Variants in ARAP1 observed in about 807,000 individuals in gnomAD.
The protein encoded by ARAP1 is arf-GAP with Rho-GAP domain, ANK repeat and PH domain-containing protein 1.
A neutral mutation model predicts 172.2 loss-of-function variants in ARAP1; 76 were observed. That is an observed-to-expected ratio of 0.44 (90% confidence interval 0.37 to 0.53). The LOEUF is 0.53. Among genes scored for constraint, ARAP1 ranks in the 20% least tolerant of loss-of-function variants. The pLI, the probability that ARAP1 is intolerant of heterozygous loss-of-function variation, is 0.00. For synonymous variants in ARAP1, 804 were observed against 803.3 expected (o/e 1.00, Z -0.01); for missense variants, 1,686 against 1,977.5 (o/e 0.85, Z 2.80).
At position 72,695,174 on chromosome 11, in the gene ARAP1, G is replaced by A. The variant is rs1009405222; in HGVS notation, c.3577-77C>T. 4 of 1,491,780 alleles carry A rather than the reference G, an allele frequency of 2.7e-6. No homozygotes were observed. The East Asian group carries it at 6.8e-5, about 25-fold the overall frequency. The allele number at this position is 1,491,780 out of a possible 1,614,324, so 92.4% of individuals were successfully genotyped here. A position where few individuals can be genotyped will look rare whatever the true frequency, so the allele number is the denominator to read the frequency against. ...CCACAACCTTGCTATGTGACTCAGA[G>A]CCTGAGCCCATCCTTCTCAGGCCCT... On this transcript the variant is annotated intron_variant, in intron 26 of 34. Transcript: ENST00000393609. This position sits in a 1 kb window ranked among gnomAD's most constrained non-coding sequence, Gnocchi z 4.4.
chr11:72,718,751 T>A (rs933900247), intron 3 of ARAP1, among the ~76,000 whole-genome samples: 10 of 152,010 alleles, frequency 6.6e-5, no homozygotes, highest in African/African-American at 1.9e-4. Flanking sequence ...AGAAAATACA[T>A]GCAGCAGACC....
chr11:72,713,124 T>C, intron 5 of ARAP1, 52 bp downstream of exon 5: 1 of 1,584,296 alleles, frequency 6.3e-7, no homozygotes, highest in Non-Finnish European at 8.7e-7. Context: ...GACAGGCAGC[T>C]GGGCACCCCC....
chr11:72,721,223 C>T (rs1296776025), intron 3 of ARAP1, among the ~76,000 whole-genome samples: 1 of 152,184 alleles, frequency 6.6e-6, no homozygotes, highest in Non-Finnish European at 1.5e-5. Flanking sequence ...AAGCCAAGCA[C>T]AGGATTGTTG....
chr11:72,693,952 C>G lies in ARAP1; in HGVS notation c.3695-147G>C. Reference sequence around the variant, plus strand: ...ACACAAAACACCACCATCATGACCACCCTTCCCATGACCAAGCTTCAGGCT... The same window carrying G: ...ACACAAAACACCACCATCATGACCAGCCTTCCCATGACCAAGCTTCAGGCT... On this transcript the variant is annotated intron_variant, in intron 27 of 34. Transcript: ENST00000393609. This position sits in a 1 kb window ranked among gnomAD's most constrained non-coding sequence, Gnocchi z 4.6. The G allele has an allele frequency of 1.6e-6, 1 of 641,654 alleles. No homozygotes were observed. The highest frequency in any genetic ancestry group is 2.7e-6 in the Non-Finnish European group (1 of 377,294). The allele number at this position is 641,654 out of a possible 1,614,324, so 39.7% of individuals were successfully genotyped here. A position where few individuals can be genotyped will look rare whatever the true frequency, so the allele number is the denominator to read the frequency against.
chr11:72,686,181 A>T lies in ARAP1; in HGVS notation c.4196T>A (p.Leu1399Gln), dbSNP rs1855675864. 6 of 1,612,268 alleles carry T rather than the reference A, an allele frequency of 3.7e-6. No individual in the cohort carries two copies. The highest frequency in any genetic ancestry group is 5.1e-6 in the Non-Finnish European group (6 of 1,178,858). The change falls in exon 34 of 35, where the codon CTG becomes CAG. Residue 1399 changes from leucine (L) to glutamine (Q), a missense_variant. By Grantham distance (113) the Leu-to-Gln change is moderately radical (BLOSUM62 -2). This residue lies in a region of ARAP1 where 379 missense variants were observed against 500.1 expected (regional missense o/e 0.76). Transcript: ENST00000393609. ...GCGTGAGGGCTCTGAGGGCCACACC[A>T]GGCCGTCATGCTGGGGAGCAGAGAG... is the stretch of plus-strand genomic sequence containing the variant. ...ATFLFVQHDG[L>Q]VWPSEPSRVS...
In ARAP1 at chr11:72,701,700, A is replaced by G. The variant is rs768837895; in HGVS notation, c.2251T>C (p.Tyr751His). 4 of 1,613,824 alleles carry G rather than the reference A, an allele frequency of 2.5e-6. No individual in the cohort carries two copies. In the East Asian group the frequency reaches 6.7e-5, roughly 27 times the overall value. Residue 751 changes from tyrosine (Y) to histidine (H), a missense_variant, in exon 16 of 35, where the codon TAC becomes CAC. By Grantham distance (83) the Tyr-to-His change is moderately conservative. Transcript: ENST00000393609. ...AGCTTGCCGGCAGAGGCAGTCTTGT[A>G]GAGGAAGCCACTGTGGCTCACGGTC... is the stretch of plus-strand genomic sequence containing the variant. ...LPTVSHSGFL[Y>H]KTASAGKLLQ...
At chr11:72,724,150 CACAG>C (rs1223728015) in intron 3 of ARAP1, among the ~76,000 whole-genome samples, 2 of 152,140 alleles carry the variant, frequency 1.3e-5, no homozygotes, top group African/African-American at 4.8e-5. Flanking sequence ...TGTGTAAATG[CACAG>C]ACATTCTACT....
rs2135500996 is a variant in ARAP1, at chr11:72,695,097, C to T, written c.3577G>A (p.Val1193Ile). 6.2e-7 allele frequency: 1 copy of T among 1,613,762 alleles called. No homozygotes were observed. The highest frequency in any genetic ancestry group is 8.5e-7 in the Non-Finnish European group (1 of 1,179,876). ...KKAETEQHIK[V>I]PASMTAEELT... ...TCCTCAGCAGTCATGGATGCTGGGA[C>T]CTGCAAGGACCAAGGAGGAGATTAG... Residue 1193 changes from valine to isoleucine, a missense_variant and splice_region_variant, in exon 27 of 35, where the codon GTC (valine) becomes ATC (isoleucine). Around this residue, in one of 5 missense-constraint regions of ARAP1, gnomAD observed 379 missense variants for 500.1 expected, o/e 0.76. Transcript: ENST00000393609. This position sits in a 1 kb window ranked among gnomAD's most constrained non-coding sequence, Gnocchi z 4.4.
At position 72,702,882 on chromosome 11, in the gene ARAP1, C is replaced by T. The variant is rs1300738703; in HGVS notation, c.2167+23G>A. The T allele has an allele frequency of 1.4e-5, 21 of 1,550,672 alleles. No homozygotes were observed. In the Admixed American group the frequency reaches 4.1e-4, roughly 30 times the overall value. ...ACCAGGCACTGCACAGCCTGGTGGA[C>T]CCCCACCCTCTGCCACGCTCACCTG... On this transcript the variant is annotated intron_variant, in intron 15 of 34. Coordinates refer to ENST00000393609, the MANE Select transcript of ARAP1 (RefSeq NM_001040118.3).
intron 3 of ARAP1, chr11:72,722,052 CA>C (rs1286809274): frequency 2.4e-5 from 24 of 985,482 alleles, no homozygotes; most frequent in Non-Finnish European, 2.9e-5. Context: ...TATGGCTTTG[CA>C]CCTGTGATTT....
Position 72,726,969 on chromosome 11 carries a change from G to A in ARAP1, c.160C>T (p.Pro54Ser), listed in dbSNP as rs1041006646. The stretch of plus-strand genomic sequence containing the variant: ...GCCAGGATGCGGCGGCGGTGACCAG[G>A]GAGTAGCATGCCCATGTCCATCAGG... Reference protein sequence around the residue: ...TRLMDMGMLLPGHRRRILAGL... With the variant: ...TRLMDMGMLLSGHRRRILAGL... The change falls in exon 3 of 35, where the codon CCT (proline) becomes TCT (serine). Residue 54 changes from proline to serine, a missense_variant. By Grantham distance (74) the Pro-to-Ser change is moderately conservative (BLOSUM62 -1). This residue lies in a region of ARAP1 where 190 missense variants were observed against 228.6 expected (regional missense o/e 0.83). Coordinates refer to ENST00000393609, the MANE Select transcript of ARAP1 (RefSeq NM_001040118.3). This position sits in a 1 kb window ranked among gnomAD's most constrained non-coding sequence, Gnocchi z 6.5. The A allele has an allele frequency of 6.2e-7, 1 of 1,602,736 alleles. No homozygotes were observed. The highest frequency in any genetic ancestry group is 8.5e-7 in the Non-Finnish European group (1 of 1,175,206).
chr11:72,687,154 A>G, intron 33 of ARAP1: 1 of 491,018 alleles, frequency 2.0e-6, no homozygotes, highest in South Asian at 2.1e-5. Flanking sequence ...CACTGATCAC[A>G]CTGGGCTATA....
chr11:72,703,169 G>C, intron 14 of ARAP1, 90 bp from the exon 15 acceptor site: 2 of 1,314,582 alleles, frequency 1.5e-6, no homozygotes, highest in Non-Finnish European at 2.0e-6. Context: ...AGAAAAGGAA[G>C]GAGTCACCCA....
chr11:72,697,933 T>A lies in ARAP1; in HGVS notation c.2715A>T (p.Gln905His). 1.2e-6 allele frequency: 2 copies of A among 1,606,674 alleles called. No individual in the cohort carries two copies. Among genetic ancestry groups the A allele is most frequent in the Non-Finnish European group, 1.7e-6 (2 of 1,176,148 alleles). ...FPEGPCEEPL[Q>H]LRKLQELSIQ... ...CACAAAGCTCCTGCAGTTTCCGTAGTTGCAGCGGCTCTTCGCAGGGCCCCT... is the reference window on the plus strand; with the variant it reads ...CACAAAGCTCCTGCAGTTTCCGTAGATGCAGCGGCTCTTCGCAGGGCCCCT... Residue 905 changes from glutamine to histidine, a missense_variant, in exon 19 of 35, where the codon CAA becomes CAT. Around this residue, in one of 5 missense-constraint regions of ARAP1, gnomAD observed 274 missense variants for 262.7 expected, o/e 1.04. Transcript: ENST00000393609.
chr11:72,703,843 C>G (rs1856627817), intron 14 of ARAP1: 4 of 384,004 alleles, frequency 1.0e-5, no homozygotes, highest in Non-Finnish European at 1.9e-5. Flanking sequence ...GCATCCCCAT[C>G]AAGTTCACTC....
chr11:72,707,514 G>A (rs1856823900), intron 11 of ARAP1, 140 bp from the exon 12 acceptor site: 8 of 737,474 alleles, frequency 1.1e-5, no homozygotes, highest in Admixed American at 2.8e-5. Flanking sequence ...CTCTGGTAGG[G>A]AAGGTAGGTG....
rs537172988 is a variant in ARAP1 at position 72,707,160 on chromosome 11, C to A, written c.1723+15G>T. ...GCCATGCCTCTGCCTGGTGCCCCGA[C>A]CCCCATGCACACACCTGCACAGCGC... On this transcript the variant is annotated intron_variant, in intron 12 of 34. Coordinates refer to ENST00000393609, the MANE Select transcript of ARAP1 (RefSeq NM_001040118.3). 6.5e-7 allele frequency: 1 copy of A among 1,548,318 alleles called. No homozygotes were observed. Among genetic ancestry groups the A allele is most frequent in the East Asian group, 2.4e-5 (1 of 41,706 alleles).
chr11:72,697,404 C>T lies in ARAP1; in HGVS notation c.2872G>A (p.Asp958Asn), dbSNP rs748054039. The change falls in exon 21 of 35, where the codon GAC becomes AAC. Residue 958 changes from aspartate (D) to asparagine (N), a missense_variant. Asp to Asn is a conservative substitution (Grantham distance 23). Around this residue, in one of 5 missense-constraint regions of ARAP1, gnomAD observed 274 missense variants for 262.7 expected, o/e 1.04. Coordinates refer to ENST00000393609, the MANE Select transcript of ARAP1 (RefSeq NM_001040118.3). ...CCAAGCTGCTGCTCCGACAGCGTGT[C>T]CCCCATGCTGGCGGCTGCTTTCTGG... Reference protein sequence around the residue: ...AIQKAAASMGDTLSEQQLGDS... With the variant: ...AIQKAAASMGNTLSEQQLGDS... The T allele has an allele frequency of 2.0e-5, 32 of 1,612,100 alleles. No homozygotes were observed. The highest frequency in any genetic ancestry group is 2.5e-5 in the Non-Finnish European group (30 of 1,179,378).
At position 72,713,257 on chromosome 11, in the gene ARAP1, G is replaced by C; in HGVS notation, c.680-14C>G. On this transcript the variant is annotated splice_polypyrimidine_tract_variant and intron_variant, in intron 4 of 34. Coordinates refer to ENST00000393609, the MANE Select transcript of ARAP1 (RefSeq NM_001040118.3). ...AGTCAGAGTCATCTGGTGAGAGAGG[G>C]GTTGGGGGGCCTCAGGGCAAGGGGC... The C allele has an allele frequency of 6.2e-7, 1 of 1,613,760 alleles. No individual in the cohort carries two copies. Among genetic ancestry groups the C allele is most frequent in the Non-Finnish European group, 8.5e-7 (1 of 1,179,742 alleles).
Sources: gnomAD v4.1 joint callset for allele counts (sites outside exome capture counted in the v4.1 genomes callset) on GRCh38, gnomAD v4.1.1 for gene constraint, gnomAD v4.1.1 regional missense constraint, Gnocchi (gnomAD v3.1) non-coding constraint, MANE v1.5 for transcripts, NCBI Gene and HGNC (gene_info 2026-07-23, HGNC 2026-07-21) for gene names.